Variants in C5orf63 observed in about 807,000 individuals in gnomAD.
C5orf63 encodes glutaredoxin-like protein C5orf63.
Under a neutral mutation model 13.3 loss-of-function variants are expected in C5orf63, and 18 were observed. The observed-to-expected ratio is 1.36, with a 90% CI of 0.94 to 2.01. The LOEUF (loss-of-function observed/expected upper bound fraction) is 2.01. Among genes scored for constraint, C5orf63 ranks in the 30% most tolerant of loss-of-function variants. C5orf63 has a pLI of 0.00. For missense variants in C5orf63, 118 were observed against 127.7 expected (o/e 0.92, Z 0.36); for synonymous variants, 38 against 44.7 (o/e 0.85, Z 0.60).
chr5:127,062,170 T>C (rs1474329602), intron 2 of C5orf63, among the ~76,000 whole-genome samples: 1 of 152,232 alleles, frequency 6.6e-6, no homozygotes, highest in Non-Finnish European at 1.5e-5. Context: ...ATAAAACCTG[T>C]CATAGTAAGC....
At chr5:127,063,918 G>A (rs1255865606) in intron 2 of C5orf63, among the ~76,000 whole-genome samples, 1 of 152,052 alleles carries the variant, frequency 6.6e-6, no homozygotes. Flanking sequence ...ACCTCTTCTG[G>A]GAACAAAACC....
intron 3 of C5orf63, among the ~76,000 whole-genome samples, chr5:127,054,368 C>T (rs1261413554): frequency 1.3e-5 from 2 of 152,196 alleles, no homozygotes; most frequent in Admixed American, 1.3e-4. Context: ...TAAAAGCGTT[C>T]CTGTTTCTCC....
intron 3 of C5orf63, among the ~76,000 whole-genome samples, chr5:127,058,517 T>C (rs1227650552): frequency 1.3e-5 from 2 of 152,208 alleles, no homozygotes. Flanking sequence ...TAACTGTGTA[T>C]TTCCCCTAGG....
At chr5:127,047,224 G>C (rs1220890618), downstream of C5orf63, 1 of 153,884 alleles carries the variant, frequency 6.5e-6, no homozygotes, top group Non-Finnish European at 1.4e-5. Flanking sequence ...AAGGAAGCTT[G>C]TATCACCTTT....
At chr5:127,071,748 G>A (rs554467806) in intron 1 of C5orf63, 63 bp from the exon 2 acceptor site, 1 of 152,328 alleles carries the variant, frequency 6.6e-6, no homozygotes, top group East Asian at 1.9e-4. Context: ...CTCGCTACTT[G>A]TACCAGATCA....
intron 2 of C5orf63, among the ~76,000 whole-genome samples, chr5:127,066,620 C>T (rs1270704959): frequency 6.6e-6 from 1 of 151,752 alleles, no homozygotes; most frequent in Non-Finnish European, 1.5e-5. Flanking sequence ...ACCAAGAGCT[C>T]GGTTAGGGAC....
chr5:127,043,260 A>G (rs1241225298), downstream of C5orf63: 1 of 152,328 alleles, frequency 6.6e-6, no homozygotes, highest in South Asian at 2.1e-4. Context: ...TTAAAAGACT[A>G]TCTTTCCAAC....
Position 127,071,667 on chromosome 5 carries a change from C to T in C5orf63, c.-91G>A, listed in dbSNP as rs996443676. ...AGGAAGTATTCCAGCTGGCTTTTGG[C>T]TTCCTCTGATGTACAGTCCTTGAAT... On this transcript the variant is annotated 5_prime_UTR_variant, in exon 2 of 5. Transcript: ENST00000296662. 6.6e-6 allele frequency: 1 copy of T among 152,148 alleles called. No homozygotes were observed. Among genetic ancestry groups the T allele is most frequent in the Non-Finnish European group, 1.5e-5 (1 of 68,034 alleles). 9.4% of individuals were successfully genotyped at this position (152,148 alleles called of 1,614,324 possible).
intron 3 of C5orf63, among the ~76,000 whole-genome samples, chr5:127,058,464 G>T (rs920996141): frequency 2.0e-5 from 3 of 152,078 alleles, no homozygotes; most frequent in African/African-American, 7.3e-5. Context: ...TTCTGTATTT[G>T]GTAGGCTGAT....
chr5:127,051,752 A>C lies in C5orf63; in HGVS notation c.*19T>G. On this transcript the variant is annotated 3_prime_UTR_variant, in exon 5 of 5. Transcript: ENST00000296662. Reference sequence around the variant, plus strand: ...GATGCTTTATGGGAAGAGAGGGTGGAAAATCATGAGGGCATCAGTCAGCCT... The same window carrying C: ...GATGCTTTATGGGAAGAGAGGGTGGCAAATCATGAGGGCATCAGTCAGCCT... 1 of 1,472,038 alleles carries C rather than the reference A, an allele frequency of 6.8e-7. No individual in the cohort carries two copies. Among genetic ancestry groups the C allele is most frequent in the Non-Finnish European group, 9.0e-7 (1 of 1,116,288 alleles). The allele number at this position is 1,472,038 out of a possible 1,614,324, so 91.2% of individuals were successfully genotyped here.
intron 3 of C5orf63, among the ~76,000 whole-genome samples, chr5:127,053,030 C>A (rs887092133): frequency 1.3e-5 from 2 of 152,152 alleles, no homozygotes; most frequent in African/African-American, 4.8e-5. Context: ...ATACAGTTGG[C>A]CTGGCTGACA....
At chr5:127,048,804 T>C (rs1369820698), downstream of C5orf63, among the ~76,000 whole-genome samples, 1 of 152,152 alleles carries the variant, frequency 6.6e-6, no homozygotes, top group Non-Finnish European at 1.5e-5. Flanking sequence ...AGAACAAACG[T>C]CTCTAGGCTT....
intron 1 of C5orf63, among the ~76,000 whole-genome samples, chr5:127,072,633 T>C (rs1754592253): frequency 6.6e-6 from 1 of 151,782 alleles, no homozygotes; most frequent in African/African-American, 2.4e-5. Context: ...AAGGCCATAC[T>C]ATGGATTTTT....
At chr5:127,049,624 T>A (rs997675803), downstream of C5orf63, among the ~76,000 whole-genome samples, 3 of 152,266 alleles carry the variant, frequency 2.0e-5, no homozygotes, top group African/African-American at 7.2e-5. Context: ...TATTCATTTC[T>A]GTACTCCCAT....
At chr5:127,072,889 G>T (rs1477339945) in intron 1 of C5orf63, among the ~76,000 whole-genome samples, 2 of 152,130 alleles carry the variant, frequency 1.3e-5, no homozygotes, top group African/African-American at 4.8e-5. Context: ...TTCTCTCATT[G>T]TTCAGTACCC....
chr5:127,047,379 C>T (rs1753541865), downstream of C5orf63: 1 of 264,672 alleles, frequency 3.8e-6, no homozygotes, highest in Non-Finnish European at 7.1e-6. Context: ...GGTGACATAA[C>T]ACTGATACTT....
chr5:127,052,332 G>T, intron 4 of C5orf63: 1 of 347,376 alleles, frequency 2.9e-6, no homozygotes, highest in Non-Finnish European at 5.1e-6. Context: ...AAGATAAAAG[G>T]AATGGGGCAA....
chr5:127,055,422 T>C, intron 3 of C5orf63, among the ~76,000 whole-genome samples: 1 of 152,206 alleles, frequency 6.6e-6, no homozygotes, highest in Admixed American at 6.5e-5. Context: ...TAGGTTCTCT[T>C]GGATGAGCTC....
rs772050469 is a variant in C5orf63 at position 127,051,690 on chromosome 5, C to T, written c.*81G>A. ...CATCCTTAGGGCTCTGTACAAGTGA[C>T]AAAATGAGTATCAGGCCATGGTCAT... On this transcript the variant is annotated 3_prime_UTR_variant, in exon 5 of 5. Transcript: ENST00000296662. 2.1e-6 allele frequency: 3 copies of T among 1,405,934 alleles called. No individual in the cohort carries two copies. The highest frequency in any genetic ancestry group is 2.8e-6 in the Non-Finnish European group (3 of 1,084,260). 87.1% of individuals were successfully genotyped at this position (1,405,934 alleles called of 1,614,324 possible).
Sources: gnomAD v4.1 joint callset for allele counts (sites outside exome capture counted in the v4.1 genomes callset) on GRCh38, gnomAD v4.1.1 for gene constraint, MANE v1.5 for transcripts, NCBI Gene and HGNC (gene_info 2026-07-23, HGNC 2026-07-21) for gene names.